ELAVL2: variants seen among roughly 807,000 people sequenced by gnomAD.
The protein encoded by ELAVL2 is ELAV-like protein 2.
Under a neutral mutation model 34.6 loss-of-function variants are expected in ELAVL2, and 4 were observed. The observed-to-expected ratio is 0.12, with a 90% CI of 0.06 to 0.26. The LOEUF is 0.26. Among genes scored for constraint, ELAVL2 ranks in the 10% least tolerant of loss-of-function variants. The pLI is 1.00. For missense variants in ELAVL2, 432 were observed against 442.8 expected (o/e 0.98, Z 0.22); for synonymous variants, 193 against 154.8 (o/e 1.25, Z -1.83).
intron 3 of ELAVL2, among the ~76,000 whole-genome samples, chr9:23,713,150 T>C (rs1360225): frequency 0.13 from 19,807 of 152,232 alleles, 1,423 homozygotes; most frequent in East Asian, 0.16. Flanking sequence ...CTTTTATTGT[T>C]GTTTCTCCTT....
At position 23,802,393 on chromosome 9, in the gene ELAVL2, T is replaced by C. The variant is rs118189706; in HGVS notation, c.-16+23413A>G. ...AAGACTTGGCCAAACTTTCTAGTGA[T>C]AGAATTTGCTAGTGATAGAATCTGG... On this transcript the variant is annotated intron_variant, in intron 1 of 6. Transcript: ENST00000397312. Among the ~76,000 whole-genome samples, 194 of 152,344 alleles carry C rather than the reference T, an allele frequency of 1.3e-3. 4 individuals carry two copies. In the Middle Eastern group the frequency reaches 0.041, roughly 32 times the overall value.
At position 23,762,042 on chromosome 9, in the gene ELAVL2, T is replaced by C. The variant is rs1255793698; in HGVS notation, c.193A>G (p.Ile65Val). ...LKSLFGSIGE[I>V]ESCKLVRDKI... is the part of the protein sequence containing the mutation. Reference sequence around the variant, plus strand: ...TCTCTTACAAGCTTACAGGACTCTATTTCACCAATGCTCCCAAAGAGACTC... The same window carrying C: ...TCTCTTACAAGCTTACAGGACTCTACTTCACCAATGCTCCCAAAGAGACTC... The change falls in exon 2 of 7, where the codon ATA becomes GTA. Residue 65 changes from isoleucine to valine, a missense_variant. By Grantham distance (29) the Ile-to-Val change is conservative (BLOSUM62 3). Coordinates refer to ENST00000397312, the MANE Select transcript of ELAVL2 (RefSeq NM_004432.5). The C allele has an allele frequency of 1.2e-6, 2 of 1,613,214 alleles. No homozygotes were observed. Among genetic ancestry groups the C allele is most frequent in the Non-Finnish European group, 1.7e-6 (2 of 1,179,452 alleles).
At position 23,796,933 on chromosome 9, in the gene ELAVL2, C is replaced by T. The variant is rs544054740; in HGVS notation, c.-16+28873G>A. Among the ~76,000 whole-genome samples the T allele has an allele frequency of 2.0e-4, 31 of 152,226 alleles. No homozygotes were observed. In the East Asian group the frequency reaches 6.0e-3, roughly 30 times the overall value. ...TTCCTCATTCCAAATAGTAAGGATG[C>T]ATTTGAGAGATAGCTAACTATAAAG... is the stretch of plus-strand genomic sequence containing the variant. On this transcript the variant is annotated intron_variant, in intron 1 of 6. Coordinates refer to ENST00000397312, the MANE Select transcript of ELAVL2 (RefSeq NM_004432.5).
At chr9:23,777,497 T>G (rs566406961) in intron 1 of ELAVL2, among the ~76,000 whole-genome samples, 2 of 152,234 alleles carry the variant, frequency 1.3e-5, no homozygotes, top group East Asian at 3.9e-4. Context: ...CCAAGCATGC[T>G]TTTTACATCC....
intron 2 of ELAVL2, among the ~76,000 whole-genome samples, chr9:23,755,827 C>T (rs559635452): frequency 5.3e-4 from 80 of 152,250 alleles, no homozygotes; most frequent in Non-Finnish European, 1.0e-3. Context: ...CCCACCCAAC[C>T]ACCCTGCTGT....
intron 2 of ELAVL2, among the ~76,000 whole-genome samples, chr9:23,753,167 C>T (rs772382525): frequency 6.6e-6 from 1 of 152,116 alleles, no homozygotes; most frequent in Non-Finnish European, 1.5e-5. Context: ...AATAAAATGC[C>T]AGAAAATATC....
Position 23,691,129 on chromosome 9 carries a change from A to G in ELAVL2, c.*1428T>C, listed in dbSNP as rs1001763413. 1.3e-5 allele frequency: 2 copies of G among 152,566 alleles called. No homozygotes were observed. Among genetic ancestry groups the G allele is most frequent in the East Asian group, 3.9e-4 (2 of 5,182 alleles). The allele number at this position is 152,566 out of a possible 1,614,324, so 9.5% of individuals were successfully genotyped here. On this transcript the variant is annotated 3_prime_UTR_variant, in exon 7 of 7. Coordinates refer to ENST00000397312, the MANE Select transcript of ELAVL2 (RefSeq NM_004432.5). ...ATTTGCAACAAATCTGATGCACTGT[A>G]AATTCAAGTCCTCAGGACAACAAAA...
chr9:23,696,721 T>C (rs553533257), intron 5 of ELAVL2, among the ~76,000 whole-genome samples: 19 of 152,116 alleles, frequency 1.2e-4, no homozygotes, highest in Admixed American at 6.5e-4. Context: ...CCACCCGCCT[T>C]GGCCTCCCAA....
intron 2 of ELAVL2, among the ~76,000 whole-genome samples, chr9:23,742,298 C>A (rs1414344512): frequency 1.3e-5 from 2 of 152,152 alleles, no homozygotes; most frequent in Non-Finnish European, 2.9e-5. Flanking sequence ...AGCTAAGCTG[C>A]TATTATGAGT....
chr9:23,818,322 C>T (rs1283492610), intron 1 of ELAVL2, among the ~76,000 whole-genome samples: 1 of 152,168 alleles, frequency 6.6e-6, no homozygotes, highest in Non-Finnish European at 1.5e-5. Context: ...GGAAAAGCTA[C>T]GTAATCTGTG....
chr9:23,708,366 A>G (rs749703520), intron 3 of ELAVL2, among the ~76,000 whole-genome samples: 10 of 152,232 alleles, frequency 6.6e-5, no homozygotes, highest in South Asian at 2.1e-4. Context: ...TTAGTATTTT[A>G]TAGCTGGGGA....
At chr9:23,803,587 T>C (rs185197214) in intron 1 of ELAVL2, among the ~76,000 whole-genome samples, 212 of 152,296 alleles carry the variant, frequency 1.4e-3, no homozygotes, top group African/African-American at 4.4e-3. Flanking sequence ...TCCTGTAAAA[T>C]TGTCCCAAGG....
chr9:23,776,607 G>A (rs192075313), intron 1 of ELAVL2, among the ~76,000 whole-genome samples: 3 of 152,048 alleles, frequency 2.0e-5, no homozygotes, highest in Admixed American at 6.6e-5. Flanking sequence ...CACCCCTCAC[G>A]GAACTTCTCC....
At chr9:23,705,459 T>C (rs182877895) in intron 3 of ELAVL2, among the ~76,000 whole-genome samples, 23 of 152,334 alleles carry the variant, frequency 1.5e-4, no homozygotes, top group African/African-American at 5.5e-4. Context: ...TTAGTCCAGT[T>C]TTAATTCACT....
At chr9:23,834,565 G>A in the ELAVL2 span, among the ~76,000 whole-genome samples, 1 of 151,944 alleles carries the variant, frequency 6.6e-6, no homozygotes, top group Non-Finnish European at 1.5e-5. Context: ...TCAATAGATG[G>A]TAACTACAAT....
intron 1 of ELAVL2, among the ~76,000 whole-genome samples, chr9:23,819,621 C>T (rs1286797354): frequency 6.6e-6 from 1 of 152,080 alleles, no homozygotes; most frequent in African/African-American, 2.4e-5. Context: ...AGGGGCTTAA[C>T]ACCTAAAGTT....
chr9:23,786,933 T>C (rs56160002), intron 1 of ELAVL2, among the ~76,000 whole-genome samples: 21,635 of 152,134 alleles, frequency 0.14, 2,000 homozygotes, highest in South Asian at 0.25. Flanking sequence ...CTTTGGAAGT[T>C]TTTCATGTCC....
At chr9:23,713,109 A>G (rs937806489) in intron 3 of ELAVL2, among the ~76,000 whole-genome samples, 1 of 152,194 alleles carries the variant, frequency 6.6e-6, no homozygotes, top group Admixed American at 6.5e-5. Context: ...TCTCGTTTTT[A>G]GTAAAGTACA....
intron 1 of ELAVL2, among the ~76,000 whole-genome samples, chr9:23,825,427 C>T (rs1373383356): frequency 3.9e-5 from 6 of 152,168 alleles, no homozygotes; most frequent in African/African-American, 1.4e-4. Context: ...AAGCCTCTCC[C>T]GTCCTTCCGT....
Sources: allele counts gnomAD v4.1 joint callset (sites outside exome capture counted in the v4.1 genomes callset), GRCh38; gene constraint gnomAD v4.1.1; transcripts MANE v1.5; gene names NCBI Gene and HGNC (gene_info 2026-07-23, HGNC 2026-07-21).